The following SKA2 variants were observed in gnomAD, a reference collection of about 807,000 sequenced individuals.
The protein encoded by SKA2 is spindle and kinetochore-associated protein 2.
A neutral mutation model predicts 16.9 loss-of-function variants in SKA2; 13 were observed. The observed-to-expected ratio is 0.77, with a 90% CI of 0.50 to 1.22. The LOEUF is 1.22. Ranked by LOEUF, SKA2 falls within the 50% of genes most tolerant of loss-of-function variation. The pLI is 0.00. For synonymous variants in SKA2, 47 were observed against 48.5 expected (o/e 0.97, Z 0.13); for missense variants, 107 against 139.7 (o/e 0.77, Z 1.18).
At chr17:59,141,090 C>T (rs577907245) in intron 1 of SKA2, among the ~76,000 whole-genome samples, 6 of 152,124 alleles carry the variant, frequency 3.9e-5, no homozygotes, top group African/African-American at 1.2e-4. Flanking sequence ...AGCCACTGCT[C>T]CAAGCCTTAA....
chr17:59,135,870 TA>T (rs1212355878), intron 1 of SKA2, among the ~76,000 whole-genome samples: 4 of 149,842 alleles, frequency 2.7e-5, no homozygotes, highest in Non-Finnish European at 4.4e-5. Context: ...ATTTTTAAAA[TA>T]TTTTTTTAAA....
At chr17:59,119,672 A>G (rs577766632) in intron 2 of SKA2, among the ~76,000 whole-genome samples, 177 bp from the exon 3 acceptor site, 1 of 152,306 alleles carries the variant, frequency 6.6e-6, no homozygotes, top group East Asian at 1.9e-4. Flanking sequence ...AAAGTATAAG[A>G]CCTAGATCCT....
At chr17:59,147,377 G>C (rs868643209) in intron 1 of SKA2, among the ~76,000 whole-genome samples, 88 of 138,214 alleles carry the variant, frequency 6.4e-4, no homozygotes, top group African/African-American at 2.3e-3. Context: ...TTATATATAA[G>C]ACACACACAC....
intron 1 of SKA2, among the ~76,000 whole-genome samples, chr17:59,143,752 G>A (rs536878016): frequency 5.3e-5 from 8 of 152,224 alleles, no homozygotes; most frequent in African/African-American, 1.2e-4. Flanking sequence ...GATTATAGGC[G>A]TGAGCCACCA....
intron 1 of SKA2, among the ~76,000 whole-genome samples, chr17:59,154,288 A>C (rs924055914): frequency 1.3e-5 from 2 of 152,218 alleles, no homozygotes; most frequent in East Asian, 3.8e-4. Flanking sequence ...TGGTAATCTA[A>C]GGATGGGAGG....
intron 1 of SKA2, among the ~76,000 whole-genome samples, chr17:59,148,641 C>A (rs1188295160): frequency 6.6e-6 from 1 of 150,902 alleles, no homozygotes; most frequent in Admixed American, 6.6e-5. Flanking sequence ...CAGACTAGTA[C>A]AAAAAAAATT....
At chr17:59,116,234 G>A (rs527687374) in intron 3 of SKA2, among the ~76,000 whole-genome samples, 5 of 152,226 alleles carry the variant, frequency 3.3e-5, no homozygotes, top group Admixed American at 6.5e-5. Context: ...TTAGCTGGGC[G>A]TGGTGGCGCA....
intron 1 of SKA2, among the ~76,000 whole-genome samples, chr17:59,142,922 C>T (rs905959896): frequency 7.7e-6 from 1 of 130,072 alleles, no homozygotes; most frequent in Non-Finnish European, 1.6e-5. Context: ...AGCGTAACCC[C>T]ATCTCAAAAA....
intron 1 of SKA2, among the ~76,000 whole-genome samples, chr17:59,147,000 T>C (rs1640203120): frequency 6.6e-6 from 1 of 151,844 alleles, no homozygotes; most frequent in African/African-American, 2.4e-5. Context: ...TCTTTTCTTT[T>C]TTTTTGGGGG....
chr17:59,127,691 A>G (rs1268973239), intron 2 of SKA2, among the ~76,000 whole-genome samples: 1 of 149,034 alleles, frequency 6.7e-6, no homozygotes, highest in East Asian at 2.0e-4. Flanking sequence ...CCAGCCCACA[A>G]TTTTTTTTTT....
chr17:59,122,555 G>A (rs976753985), intron 2 of SKA2, among the ~76,000 whole-genome samples: 2 of 151,908 alleles, frequency 1.3e-5, no homozygotes, highest in African/African-American at 4.8e-5. Context: ...AGGTTGCAGT[G>A]AACCAAGATG....
chr17:59,152,498 A>T (rs868628331), intron 1 of SKA2, among the ~76,000 whole-genome samples: 9 of 152,214 alleles, frequency 5.9e-5, no homozygotes, highest in African/African-American at 1.4e-4. Context: ...TAACTTTCTG[A>T]ATTGGAAGTT....
intron 1 of SKA2, chr17:59,151,213 G>A (rs376863738): frequency 1.4e-5 from 7 of 508,384 alleles, no homozygotes; most frequent in Admixed American, 4.0e-5. Context: ...CAGAGCATTC[G>A]TTAGCAGTAA....
At chr17:59,135,303 A>C (rs1423643699) in intron 1 of SKA2, among the ~76,000 whole-genome samples, 1 of 150,722 alleles carries the variant, frequency 6.6e-6, no homozygotes, top group Non-Finnish European at 1.5e-5. Flanking sequence ...GAAATCAACT[A>C]AACTGTCTTT....
chr17:59,141,926 CT>C (rs2046493392), intron 1 of SKA2, among the ~76,000 whole-genome samples: 1 of 152,032 alleles, frequency 6.6e-6, no homozygotes, highest in African/African-American at 2.4e-5. Flanking sequence ...ACCTTTGCTA[CT>C]GGTGTCTCTC....
Position 59,112,106 on chromosome 17 carries a change from G to A in SKA2, c.*171C>T. 1.7e-6 allele frequency: 1 copy of A among 592,384 alleles called. No homozygotes were observed. The allele number at this position is 592,384 out of a possible 1,614,324, so 36.7% of individuals were successfully genotyped here. On this transcript the variant is annotated 3_prime_UTR_variant, in exon 4 of 4. Coordinates refer to ENST00000330137, the MANE Select transcript of SKA2 (RefSeq NM_182620.4). ...GCTGAACTTTATTCATATATTATCT[G>A]CCCTTCTTCTTATAATCTCTCTCAT...
chr17:59,120,387 T>C (rs1361512700), intron 2 of SKA2, among the ~76,000 whole-genome samples: 1 of 152,112 alleles, frequency 6.6e-6, no homozygotes, highest in Non-Finnish European at 1.5e-5. Context: ...ATTGGACCCC[T>C]TCTGCCACTT....
chr17:59,148,111 A>T (rs948494719), intron 1 of SKA2, among the ~76,000 whole-genome samples: 8 of 152,144 alleles, frequency 5.3e-5, no homozygotes, highest in African/African-American at 1.9e-4. Flanking sequence ...AAGTGCTAGG[A>T]TTACAGGCAT....
chr17:59,110,788 C>CAAAAAAAAAAAAAAAAAAAAAAAAAAAAA lies in SKA2; in HGVS notation c.*1488_*1489insTTTTTTTTTTTTTTTTTTTTTTTTTTTTT, dbSNP rs34191476. On this transcript the variant is annotated 3_prime_UTR_variant, in exon 4 of 4. Transcript: ENST00000330137. ...TGGGCAACAGAGTGAGACTCCGTCT[C>CAAAAAAAAAAAAAAAAAAAAAAAAAAAAA]AAAAAAAAAAAAAAAAAAAAAAAGG... 2 of 53,596 alleles carry CAAAAAAAAAAAAAAAAAAAAAAAAAAAAA rather than the reference C, an allele frequency of 3.7e-5. 1 individual carries two copies. The allele number at this position is 53,596 out of a possible 1,614,324, so 3.3% of individuals were successfully genotyped here.
Sources: allele counts gnomAD v4.1 joint callset (sites outside exome capture counted in the v4.1 genomes callset), GRCh38; gene constraint gnomAD v4.1.1; transcripts MANE v1.5; gene names NCBI Gene and HGNC (gene_info 2026-07-23, HGNC 2026-07-21).